C9: variants seen among roughly 807,000 people sequenced by gnomAD.
C9 encodes complement C9.
In C9, 63 loss-of-function variants were observed where a neutral mutation model predicts 65.4. The ratio of observed to expected loss-of-function variants is 0.96; its 90% CI spans 0.79 to 1.19. The LOEUF (loss-of-function observed/expected upper bound fraction) is 1.19. Among genes scored for constraint, C9 ranks in the 50% most tolerant of loss-of-function variants. The probability of loss-of-function intolerance (pLI) is 0.00; values close to 1 mark genes in which losing one functional copy is unlikely to be tolerated. For missense variants in C9, 744 were observed against 670.1 expected (o/e 1.11, Z -1.22); for synonymous variants, 229 against 227.9 (o/e 1.00, Z -0.04).
At chr5:39,335,062 T>A (rs890002946) in intron 4 of C9, among the ~76,000 whole-genome samples, 1 of 152,122 alleles carries the variant, frequency 6.6e-6, no homozygotes, top group Non-Finnish European at 1.5e-5. Flanking sequence ...TCTCCACCAG[T>A]AAGACATAAA....
chr5:39,342,217 A>G (rs1298296547), intron 1 of C9, 21 bp from the exon 2 acceptor site: 3 of 1,236,252 alleles, frequency 2.4e-6, no homozygotes, highest in Non-Finnish European at 2.4e-6. Context: ...AGAACATCCC[A>G]GTTTATAATG....
At chr5:39,362,393 T>C (rs1414606249) in intron 1 of C9, among the ~76,000 whole-genome samples, 9 of 152,062 alleles carry the variant, frequency 5.9e-5, no homozygotes, top group Non-Finnish European at 1.3e-4. Context: ...ACTGAAATGA[T>C]CTGAAACCAA....
At chr5:39,291,614 T>C (rs1330498332) in intron 9 of C9, among the ~76,000 whole-genome samples, 1 of 151,746 alleles carries the variant, frequency 6.6e-6, no homozygotes, top group Non-Finnish European at 1.5e-5. Context: ...CTAGGTATTA[T>C]CAGAGAAAAA....
intron 7 of C9, among the ~76,000 whole-genome samples, chr5:39,309,508 G>C (rs1474584649): frequency 6.6e-6 from 1 of 152,152 alleles, no homozygotes; most frequent in Non-Finnish European, 1.5e-5. Flanking sequence ...GAAGGGAAGA[G>C]AGAGGATAAA....
chr5:39,342,045 A>G lies in C9; in HGVS notation c.183+46T>C. 4 of 1,051,060 alleles carry G rather than the reference A, an allele frequency of 3.8e-6. No homozygotes were observed. In the South Asian group the frequency reaches 5.0e-5, roughly 13 times the overall value. The allele number at this position is 1,051,060 out of a possible 1,614,324, so 65.1% of individuals were successfully genotyped here. ...ATTTTTCTGGAGAGGCTAGCAATACAGTTTCCATTTGGGGAGGTCAGTGGG... is the reference window on the plus strand; with the variant it reads ...ATTTTTCTGGAGAGGCTAGCAATACGGTTTCCATTTGGGGAGGTCAGTGGG... On this transcript the variant is annotated intron_variant, in intron 2 of 10. Transcript: ENST00000263408.
chr5:39,332,351 A>T (rs1244229210), intron 4 of C9, among the ~76,000 whole-genome samples: 1 of 152,184 alleles, frequency 6.6e-6, no homozygotes, highest in Non-Finnish European at 1.5e-5. Flanking sequence ...CTCCAGGCTT[A>T]TATTATTCCC....
At chr5:39,355,696 C>T (rs911904713) in intron 1 of C9, among the ~76,000 whole-genome samples, 1 of 152,132 alleles carries the variant, frequency 6.6e-6, no homozygotes, top group Non-Finnish European at 1.5e-5. Context: ...TAACAAAGTA[C>T]CACAGACTGG....
intron 1 of C9, among the ~76,000 whole-genome samples, chr5:39,361,846 T>C (rs1754527123): frequency 6.6e-6 from 1 of 152,188 alleles, no homozygotes; most frequent in African/African-American, 2.4e-5. Flanking sequence ...CCCTGACAGT[T>C]CTCCAGTAAT....
rs561425143 is a variant in C9, at chr5:39,343,708, G to A, written c.78-1512C>T. ...TCCCAGCATGGAGTTTGAGATCTGA[G>A]AATGGACAGACTGCCTCCTCAAGTG... On this transcript the variant is annotated intron_variant, in intron 1 of 10. Coordinates refer to ENST00000263408, the MANE Select transcript of C9 (RefSeq NM_001737.5). Among the ~76,000 whole-genome samples the A allele has an allele frequency of 5.3e-5, 8 of 152,310 alleles. No homozygotes were observed. In the East Asian group the frequency reaches 1.5e-3, roughly 29 times the overall value.
At chr5:39,346,192 G>C (rs969465183) in intron 1 of C9, among the ~76,000 whole-genome samples, 7 of 152,126 alleles carry the variant, frequency 4.6e-5, no homozygotes, top group African/African-American at 1.7e-4. Context: ...GAAGGACATA[G>C]AGACACAAAA....
chr5:39,341,819 T>C (rs758581243), intron 2 of C9, 119 bp from the exon 3 acceptor site: 41 of 966,352 alleles, frequency 4.2e-5, no homozygotes, highest in Non-Finnish European at 6.5e-5. Context: ...ATAGAAGTGG[T>C]GGAAGAAGTC....
chr5:39,284,576 T>A lies in C9; in HGVS notation c.*623A>T, dbSNP rs1030008360. On this transcript the variant is annotated 3_prime_UTR_variant, in exon 11 of 11. Transcript: ENST00000263408. The stretch of plus-strand genomic sequence containing the variant: ...TCATCTAACTGGATTTTTGTACCCA[T>A]TAACCAACTCCTCTTTATCTCCCTT... The A allele has an allele frequency of 2.0e-5, 3 of 152,334 alleles. No homozygotes were observed. The highest frequency in any genetic ancestry group is 7.2e-5 in the African/African-American group (3 of 41,470). 9.4% of individuals were successfully genotyped at this position (152,334 alleles called of 1,614,324 possible). A position where few individuals can be genotyped will look rare whatever the true frequency, so the allele number is the denominator to read the frequency against.
chr5:39,349,601 C>T (rs911768440), intron 1 of C9, among the ~76,000 whole-genome samples: 9 of 152,182 alleles, frequency 5.9e-5, no homozygotes, highest in Non-Finnish European at 1.3e-4. Flanking sequence ...TGAGCACCCT[C>T]GTCTCTTGTT....
Position 39,311,208 on chromosome 5 carries a change from C to G in C9, c.1040G>C (p.Ser347Thr), listed in dbSNP as rs778186699. Residue 347 changes from serine (S) to threonine (T), a missense_variant, in exon 7 of 11, where the codon AGT becomes ACT. Ser to Thr is a moderately conservative substitution (Grantham distance 58). Coordinates refer to ENST00000263408, the MANE Select transcript of C9 (RefSeq NM_001737.5). ...AFLETYGTHY[S>T]SSGSLGGLYE... ...GAGTCCTCCTAGAGACCCAGAGCTACTGTAGTGAGTTCCATAGGTTTCCAA... is the reference window on the plus strand; with the variant it reads ...GAGTCCTCCTAGAGACCCAGAGCTAGTGTAGTGAGTTCCATAGGTTTCCAA... 2 of 1,612,450 alleles carry G rather than the reference C, an allele frequency of 1.2e-6. No homozygotes were observed. Among genetic ancestry groups the G allele is most frequent in the Non-Finnish European group, 1.7e-6 (2 of 1,178,560 alleles).
intron 6 of C9, 133 bp downstream of exon 6, chr5:39,315,642 C>T (rs187660482): frequency 2.5e-5 from 17 of 675,254 alleles, no homozygotes; most frequent in East Asian, 1.6e-4. Flanking sequence ...TTCTTTCTGA[C>T]GTGCTAGCTA....
At chr5:39,312,783 TTTC>T (rs1393798713) in intron 6 of C9, among the ~76,000 whole-genome samples, 11 of 152,208 alleles carry the variant, frequency 7.2e-5, no homozygotes, top group African/African-American at 2.7e-4. Context: ...AAATATTTTA[TTTC>T]TTTTTAAAGG....
intron 5 of C9, among the ~76,000 whole-genome samples, chr5:39,327,611 G>T (rs1753771046): frequency 6.6e-6 from 1 of 152,130 alleles, no homozygotes; most frequent in African/African-American, 2.4e-5. Context: ...GAGTAAGATT[G>T]GTTATCAGCT....
At chr5:39,335,979 T>C (rs1215237199) in intron 4 of C9, among the ~76,000 whole-genome samples, 1 of 152,202 alleles carries the variant, frequency 6.6e-6, no homozygotes, top group Admixed American at 6.5e-5. Context: ...AATTATACTT[T>C]CCTGCACATT....
intron 5 of C9, among the ~76,000 whole-genome samples, chr5:39,327,084 C>A (rs139243230): frequency 0.012 from 1,778 of 152,166 alleles, 36 homozygotes; most frequent in African/African-American, 0.04. Flanking sequence ...AAAATCAAAG[C>A]ATATTGCATT....
Sources: allele counts gnomAD v4.1 joint callset (sites outside exome capture counted in the v4.1 genomes callset), GRCh38; gene constraint gnomAD v4.1.1; transcripts MANE v1.5; gene names NCBI Gene and HGNC (gene_info 2026-07-23, HGNC 2026-07-21).